The following DHX30 variants were observed in gnomAD, a reference collection of about 807,000 sequenced individuals.
The protein encoded by DHX30 is ATP-dependent RNA helicase DHX30.
In DHX30, 4 loss-of-function variants were observed where a neutral mutation model predicts 116.9. The observed-to-expected ratio is 0.03, with a 90% CI of 0.02 to 0.08. The LOEUF is 0.08. DHX30 is among the 10% of genes least tolerant of loss of function. DHX30 has a pLI of 1.00. For synonymous variants in DHX30, 697 were observed against 651.7 expected (o/e 1.07, Z -1.06); for missense variants, 871 against 1,595.1 (o/e 0.55, Z 7.73).
intron 6 of DHX30, among the ~76,000 whole-genome samples, chr3:47,832,111 C>G (rs1393436080): frequency 6.7e-6 from 1 of 148,474 alleles, no homozygotes; most frequent in Non-Finnish European, 1.5e-5. Context: ...GGGTCTTACT[C>G]TGTTGCCCAG....
Position 47,831,929 on chromosome 3 carries a change from TC to T in DHX30, c.366+2796del, listed in dbSNP as rs368615794. On this transcript the variant is annotated intron_variant, in intron 6 of 21. Transcript: ENST00000445061. ...TTCTCTCTGAAGGCCTTTTCCTTTT[TC>T]TTTTTTTTTTTTTTTTTTATTCCTC... is the stretch of plus-strand genomic sequence containing the variant. Among the ~76,000 whole-genome samples, 16 of 146,538 alleles carry T rather than the reference TC, an allele frequency of 1.1e-4. 2 individuals are homozygous for T. Among genetic ancestry groups the T allele is most frequent in the African/African-American group, 1.7e-4 (7 of 40,394 alleles).
Position 47,846,898 on chromosome 3 carries a change from T to C in DHX30, c.1826T>C (p.Ile609Thr). 6.2e-7 allele frequency: 1 copy of C among 1,613,396 alleles called. No individual in the cohort carries two copies. ...CGATACTTTGGTGGCTGCCCCGTCA[T>C]CAAGGTGCCTGGCTTCATGTACCCA... is the stretch of plus-strand genomic sequence containing the variant. ...FSRYFGGCPV[I>T]KVPGFMYPVK... Residue 609 changes from isoleucine to threonine, a missense_variant, in exon 11 of 22, where the codon ATC becomes ACC. Physicochemically the swap from Ile to Thr is moderately conservative, Grantham distance 89. Around this residue, in one of 13 missense-constraint regions of DHX30, gnomAD observed 61 missense variants for 106.7 expected, o/e 0.57. Transcript: ENST00000445061.
intron 9 of DHX30, among the ~76,000 whole-genome samples, chr3:47,843,932 G>A (rs1223543292): frequency 6.6e-6 from 1 of 152,206 alleles, no homozygotes; most frequent in Non-Finnish European, 1.5e-5. Context: ...AAAATCTTGG[G>A]CTCAATCAGT....
intron 10 of DHX30, 39 bp downstream of exon 10, chr3:47,845,891 T>C (rs1454962691): frequency 1.3e-6 from 2 of 1,569,364 alleles, no homozygotes; most frequent in Admixed American, 1.8e-5. Flanking sequence ...CTGCTCCCTG[T>C]AGTCTGCCTC....
Position 47,810,726 on chromosome 3 carries a change from G to A in DHX30, c.28+15G>A, listed in dbSNP as rs1373188418. On this transcript the variant is annotated intron_variant, in intron 3 of 21. Transcript: ENST00000445061. ...ATTCAGAAAAGGTAAGACTGCAACT[G>A]TGCTTGTGACCTCATGCCCTTCCTT... is the stretch of plus-strand genomic sequence containing the variant. 2 of 1,613,686 alleles carry A rather than the reference G, an allele frequency of 1.2e-6. No homozygotes were observed. The highest frequency in any genetic ancestry group is 3.3e-5 in the Admixed American group (2 of 60,000).
chr3:47,848,784 C>T lies in DHX30; in HGVS notation c.2736C>T (p.Ser912=), dbSNP rs778655310. The T allele has an allele frequency of 2.5e-6, 4 of 1,613,942 alleles. No individual in the cohort carries two copies. The highest frequency in any genetic ancestry group is 1.7e-5 in the Admixed American group (1 of 59,996). ...VVSCLTRDPF[S]SSLQNRAEVD... The stretch of plus-strand genomic sequence containing the variant: ...CCTGCCTCACCCGGGACCCCTTCAG[C>T]AGCAGCCTACAGAACCGGGCAGAGG... The change falls in exon 17 of 22, where the codon AGC becomes AGT. Residue 912 remains serine, a synonymous_variant. Coordinates refer to ENST00000445061, the MANE Select transcript of DHX30 (RefSeq NM_138615.3). The surrounding 1 kb of genome is among the most constrained non-coding windows in gnomAD (Gnocchi z 9.4).
Position 47,848,996 on chromosome 3 carries a change from T to A in DHX30, c.2846T>A (p.Val949Glu), listed in dbSNP as rs761406575. The part of the protein sequence containing the change: ...FVRAVAGWEE[V>E]LRWQDRSSRE... Reference sequence around the variant, plus strand: ...CGGGCTGTCGCCGGCTGGGAGGAGGTGCTGCGTTGGCAGGACCGCAGCTCC... The same window carrying A: ...CGGGCTGTCGCCGGCTGGGAGGAGGAGCTGCGTTGGCAGGACCGCAGCTCC... Residue 949 changes from valine (V) to glutamate (E), a missense_variant, in exon 18 of 22, where the codon GTG becomes GAG. Around this residue, in one of 13 missense-constraint regions of DHX30, gnomAD observed 238 missense variants for 481.0 expected, o/e 0.49. Coordinates refer to ENST00000445061, the MANE Select transcript of DHX30 (RefSeq NM_138615.3). This position sits in a 1 kb window ranked among gnomAD's most constrained non-coding sequence, Gnocchi z 9.4. The A allele has an allele frequency of 3.7e-6, 6 of 1,613,410 alleles. No homozygotes were observed. The highest frequency in any genetic ancestry group is 5.1e-6 in the Non-Finnish European group (6 of 1,179,804).
intron 5 of DHX30, among the ~76,000 whole-genome samples, chr3:47,828,591 G>A (rs916748124): frequency 6.6e-6 from 1 of 151,988 alleles, no homozygotes; most frequent in Non-Finnish European, 1.5e-5. Flanking sequence ...CTAACATAGT[G>A]AAATCCCGTC....
rs549341590 is a variant in DHX30, at chr3:47,805,968, A to G, written c.-28+548A>G. On this transcript the variant is annotated intron_variant, in intron 2 of 21. Transcript: ENST00000445061. Reference sequence around the variant, plus strand: ...ATATAATAGCATTTTACTTATCTGTAAATTACTTAAGAGACACATTGAGCT... The same window carrying G: ...ATATAATAGCATTTTACTTATCTGTGAATTACTTAAGAGACACATTGAGCT... 3.3e-5 allele frequency among the ~76,000 whole-genome samples: 5 copies of G among 152,054 alleles called. No homozygotes were observed. The East Asian group carries it at 9.7e-4, about 30-fold the overall frequency.
intron 4 of DHX30, chr3:47,819,079 C>T (rs575742975): frequency 1.4e-5 from 7 of 511,456 alleles, no homozygotes; most frequent in East Asian, 6.8e-5. Context: ...CCTGCTGCTG[C>T]GGCCCTGACT....
intron 9 of DHX30, among the ~76,000 whole-genome samples, chr3:47,844,110 T>A (rs2037496714): frequency 1.3e-5 from 2 of 152,146 alleles, no homozygotes; most frequent in Non-Finnish European, 2.9e-5. Flanking sequence ...CAACCCATGT[T>A]GGTGGAGGTT....
chr3:47,810,808 C>T lies in DHX30; in HGVS notation c.28+97C>T. 2 of 1,296,520 alleles carry T rather than the reference C, an allele frequency of 1.5e-6. 1 individual carries two copies. 80.3% of individuals were successfully genotyped at this position (1,296,520 alleles called of 1,614,324 possible). ...GTCTCTCCCCAGTATGTAGTTCTTG[C>T]ACATTTCTTTGGGTGGTTTTCCAAA... On this transcript the variant is annotated intron_variant, in intron 3 of 21. Coordinates refer to ENST00000445061, the MANE Select transcript of DHX30 (RefSeq NM_138615.3).
Position 47,841,077 on chromosome 3 carries a change from AGAG to A in DHX30, c.573_575del (p.Glu191del). ...TATCCCGCTCTTTAGGCCGGGAAGA[AGAG>A]GAGGACGAGGAGGAAGAGCTAGAAG... On this transcript the variant is annotated inframe_deletion, in exon 7 of 22. Transcript: ENST00000445061. 1 of 1,614,202 alleles carries A rather than the reference AGAG, an allele frequency of 6.2e-7. No homozygotes were observed. The highest frequency in any genetic ancestry group is 8.5e-7 in the Non-Finnish European group (1 of 1,180,022).
In DHX30 at chr3:47,848,597, G is replaced by A; in HGVS notation, c.2576-27G>A. 1 of 1,614,100 alleles carries A rather than the reference G, an allele frequency of 6.2e-7. No homozygotes were observed. ...CTGGGCTGGGGAGTGGCTCTCGAGG[G>A]TGGTACTGACAGCTGAGCCGTTGCA... On this transcript the variant is annotated intron_variant, in intron 16 of 21. Coordinates refer to ENST00000445061, the MANE Select transcript of DHX30 (RefSeq NM_138615.3). This position sits in a 1 kb window ranked among gnomAD's most constrained non-coding sequence, Gnocchi z 9.4.
chr3:47,849,875 C>G lies in DHX30; in HGVS notation c.3340C>G (p.Arg1114Gly). The G allele has an allele frequency of 1.2e-6, 2 of 1,612,524 alleles. No individual in the cohort carries two copies. The highest frequency in any genetic ancestry group is 1.7e-6 in the Non-Finnish European group (2 of 1,178,938). The stretch of plus-strand genomic sequence containing the variant: ...CTTTTCCATTCCCTCAGATGACGGG[C>G]GCCGGGCCACCATCTCACTGAGCGA... Reference protein sequence around the residue: ...DGDVHIRDDGRRATISLSDSD... With the variant: ...DGDVHIRDDGGRATISLSDSD... Residue 1114 changes from arginine (R) to glycine (G), a missense_variant, in exon 22 of 22, where the codon CGC (arginine) becomes GGC (glycine). Physicochemically the swap from Arg to Gly is moderately radical, Grantham distance 125. Coordinates refer to ENST00000445061, the MANE Select transcript of DHX30 (RefSeq NM_138615.3).
At chr3:47,816,636 G>A (rs891636057) in intron 3 of DHX30, 8 of 985,328 alleles carry the variant, frequency 8.1e-6, no homozygotes, top group African/African-American at 7.0e-5. Flanking sequence ...GATTATAGGC[G>A]TGAGCCACCG....
chr3:47,849,587 G>A (rs754273099), intron 20 of DHX30, 33 bp downstream of exon 20: 1 of 1,614,004 alleles, frequency 6.2e-7, no homozygotes, highest in South Asian at 1.1e-5. Context: ...GGGGCAGCTG[G>A]GATGGTCCAA....
Position 47,848,111 on chromosome 3 carries a change from G to GGACTGGTGAGGGGCTGGTGAGGGGGCTGC in DHX30, c.2287-69_2287-68insGACTGGTGAGGGGCTGGTGAGGGGGCTGC. The GGACTGGTGAGGGGCTGGTGAGGGGGCTGC allele has an allele frequency of 6.3e-7, 1 of 1,598,458 alleles. No individual in the cohort carries two copies. The highest frequency in any genetic ancestry group is 8.6e-7 in the Non-Finnish European group (1 of 1,168,458). ...TTCCTGATGTAGGGGGCTGGTGAGGGTTACTCAGGGAGTGGGGAAGCACTG... is the reference window on the plus strand; with the variant it reads ...TTCCTGATGTAGGGGGCTGGTGAGGGGACTGGTGAGGGGCTGGTGAGGGGGCTGCTTACTCAGGGAGTGGGGAAGCACTG... On this transcript the variant is annotated intron_variant, in intron 14 of 21. Transcript: ENST00000445061. This position sits in a 1 kb window ranked among gnomAD's most constrained non-coding sequence, Gnocchi z 9.4.
chr3:47,849,025 G>C lies in DHX30; in HGVS notation c.2875G>C (p.Glu959Gln). 1 of 1,613,508 alleles carries C rather than the reference G, an allele frequency of 6.2e-7. No individual in the cohort carries two copies. Among genetic ancestry groups the C allele is most frequent in the Non-Finnish European group, 8.5e-7 (1 of 1,179,806 alleles). The change falls in exon 18 of 22, where the codon GAG becomes CAG. Residue 959 changes from glutamate to glutamine, a missense_variant. Glu to Gln is a conservative substitution (Grantham distance 29). Around this residue, in one of 13 missense-constraint regions of DHX30, gnomAD observed 238 missense variants for 481.0 expected, o/e 0.49. Coordinates refer to ENST00000445061, the MANE Select transcript of DHX30 (RefSeq NM_138615.3). Reference protein sequence around the residue: ...VLRWQDRSSRENYLEENLLYA... With the variant: ...VLRWQDRSSRQNYLEENLLYA... The stretch of plus-strand genomic sequence containing the variant: ...GCGTTGGCAGGACCGCAGCTCCCGG[G>C]AGAATTACCTGGAGGAAAACCTGCT...
Sources: allele counts gnomAD v4.1 joint callset (sites outside exome capture counted in the v4.1 genomes callset), GRCh38; gene constraint gnomAD v4.1.1; regional missense constraint gnomAD v4.1.1; non-coding constraint Gnocchi (gnomAD v3.1); transcripts MANE v1.5; gene names NCBI Gene and HGNC (gene_info 2026-07-23, HGNC 2026-07-21).